C9: variants seen among roughly 807,000 people sequenced by gnomAD.
C9 encodes complement component C9.
A neutral mutation model predicts 65.4 loss-of-function variants in C9; 63 were observed. The observed-to-expected ratio is 0.96, with a 90% CI of 0.79 to 1.19. C9 has a LOEUF of 1.19. C9 is among the 50% of genes most tolerant of loss of function. The pLI is 0.00. For synonymous variants in C9, 229 were observed against 227.9 expected, an observed-to-expected ratio of 1.00 and a Z score of -0.04; for missense variants, 744 against 670.1, an observed-to-expected ratio of 1.11 and a Z score of -1.22.
intron 6 of C9, among the ~76,000 whole-genome samples, chr5:39,313,478 G>A (rs75437991): frequency 0.015 from 2,329 of 152,098 alleles, 59 homozygotes; most frequent in East Asian, 0.069. Context: ...TTGTCTTCTA[G>A]GCCAGTGCTT....
intron 1 of C9, among the ~76,000 whole-genome samples, chr5:39,345,413 A>G (rs971285841): frequency 3.9e-5 from 6 of 152,222 alleles, no homozygotes; most frequent in African/African-American, 9.7e-5. Context: ...AAAAAGATCA[A>G]AAGAGACAAA....
chr5:39,350,311 A>G (rs946793474), intron 1 of C9, among the ~76,000 whole-genome samples: 1 of 152,192 alleles, frequency 6.6e-6, no homozygotes, highest in Non-Finnish European at 1.5e-5. Flanking sequence ...GGGGATTACA[A>G]TTCAACGTGG....
At chr5:39,355,832 T>G in intron 1 of C9, among the ~76,000 whole-genome samples, 1 of 152,242 alleles carries the variant, frequency 6.6e-6, no homozygotes, top group Non-Finnish European at 1.5e-5. Context: ...ATCTTCTCCC[T>G]GTGTCTTCAC....
Position 39,341,601 on chromosome 5 carries a change from C to A in C9, c.283G>T (p.Glu95Ter). The A allele has an allele frequency of 6.2e-7, 1 of 1,613,968 alleles. No homozygotes were observed. The highest frequency in any genetic ancestry group is 2.2e-5 in the East Asian group (1 of 44,894). ...TTTCCGCAGTCATCCTCAGCATCCT[C>A]ACAGGGCTCTGTGGGCACACACTGT... ...RRQCVPTEPC[E>*]DAEDDCGNDF... The change falls in exon 3 of 11, where the codon GAG (glutamate) becomes TAG (stop). Residue 95 changes from glutamate (E) to a stop codon, truncating the protein, a stop_gained. Transcript: ENST00000263408. LOFTEE classifies it high-confidence loss of function.
In C9 at chr5:39,341,270, G is replaced by A. The variant is rs147701327; in HGVS notation, c.352C>T (p.Arg118Trp). 318 of 1,613,986 alleles carry A rather than the reference G, an allele frequency of 2.0e-4. No individual in the cohort carries two copies. Among genetic ancestry groups the A allele is most frequent in the Non-Finnish European group, 2.6e-4 (301 of 1,180,014 alleles). Residue 118 changes from arginine (R) to tryptophan (W), a missense_variant, in exon 4 of 11, where the codon CGG (arginine) becomes TGG (tryptophan). By Grantham distance (101) the Arg-to-Trp change is moderately radical. Transcript: ENST00000263408. Reference sequence around the variant, plus strand: ...CCGCAGTCATTGTCACCATTACACCGAAGTCGCATCTTTATGCATCTGCCT... The same window carrying A: ...CCGCAGTCATTGTCACCATTACACCAAAGTCGCATCTTTATGCATCTGCCT... ...STGRCIKMRL[R>W]CNGDNDCGDF... is the part of the protein sequence containing the mutation.
chr5:39,299,119 A>G lies in C9; in HGVS notation c.1416+7498T>C, dbSNP rs1753238181. ...TGCAATATTATATTAGATGCATTAG[A>G]CAATGCAATAATGCAAGAAAAAGAA... On this transcript the variant is annotated intron_variant, in intron 9 of 10. Transcript: ENST00000263408. Among the ~76,000 whole-genome samples the G allele has an allele frequency of 3.9e-5, 6 of 152,126 alleles. No individual in the cohort carries two copies. In the South Asian group the frequency reaches 1.0e-3, roughly 26 times the overall value.
chr5:39,297,041 C>T (rs1753197113), intron 9 of C9, among the ~76,000 whole-genome samples: 2 of 151,370 alleles, frequency 1.3e-5, no homozygotes, highest in South Asian at 2.1e-4. Context: ...TTAAAAGATA[C>T]AACATTACAA....
rs376805303 is a variant in C9 at position 39,331,664 on chromosome 5, G to A, written c.615+12C>T. On this transcript the variant is annotated intron_variant, in intron 5 of 10. Coordinates refer to ENST00000263408, the MANE Select transcript of C9 (RefSeq NM_001737.5). ...AAAGTTGAACAATGTGTTTTCCTCC[G>A]AGGAGACTTACTTCATAGATCAAAG... 171 of 1,613,002 alleles carry A rather than the reference G, an allele frequency of 1.1e-4. No homozygotes were observed. Among genetic ancestry groups the A allele is most frequent in the East Asian group, 1.0e-3 (46 of 44,864 alleles).
At chr5:39,349,215 T>C (rs1263087084) in intron 1 of C9, among the ~76,000 whole-genome samples, 3 of 151,154 alleles carry the variant, frequency 2.0e-5, no homozygotes, top group African/African-American at 7.3e-5. Flanking sequence ...GACTAGGTGA[T>C]GCCAATCTCT....
In C9 at chr5:39,308,356, C is replaced by T; in HGVS notation, c.1114G>A (p.Val372Ile). 1.3e-6 allele frequency: 2 copies of T among 1,584,734 alleles called. No individual in the cohort carries two copies. The highest frequency in any genetic ancestry group is 1.7e-6 in the Non-Finnish European group (2 of 1,153,386). Residue 372 changes from valine to isoleucine, a missense_variant and splice_region_variant, in exon 8 of 11, where the codon GTT becomes ATT. Coordinates refer to ENST00000263408, the MANE Select transcript of C9 (RefSeq NM_001737.5). ...CATCTCTTTATGTCTTTTAGTTCAACACCTGTTTAATGAATTTATTTGAAA... is the reference window on the plus strand; with the variant it reads ...CATCTCTTTATGTCTTTTAGTTCAATACCTGTTTAATGAATTTATTTGAAA... ...LDKASMKRKGVELKDIKRCLG... is the reference protein window; with the variant it reads ...LDKASMKRKGIELKDIKRCLG...
At chr5:39,331,960 G>A in intron 4 of C9, 146 bp from the exon 5 acceptor site, 1 of 782,994 alleles carries the variant, frequency 1.3e-6, no homozygotes, top group East Asian at 2.5e-5. Flanking sequence ...AGAAGCAAGA[G>A]CCTGTTCACC....
At chr5:39,351,966 A>T (rs1419227865) in intron 1 of C9, among the ~76,000 whole-genome samples, 1 of 152,192 alleles carries the variant, frequency 6.6e-6, no homozygotes, top group African/African-American at 2.4e-5. Context: ...GCTATAAAGA[A>T]CTACCTGAGA....
chr5:39,339,591 C>T (rs1212517375), intron 4 of C9, among the ~76,000 whole-genome samples: 1 of 151,904 alleles, frequency 6.6e-6, no homozygotes, highest in African/African-American at 2.4e-5. Flanking sequence ...TAGCACTCCC[C>T]ATTCTCACCC....
intron 5 of C9, among the ~76,000 whole-genome samples, chr5:39,330,423 T>C (rs1753819455): frequency 6.6e-6 from 1 of 152,132 alleles, no homozygotes; most frequent in South Asian, 2.1e-4. Flanking sequence ...TCGTACAAGT[T>C]ATTACCCCTC....
Position 39,288,962 on chromosome 5 carries a change from GC to G in C9, c.1417-12del. The G allele has an allele frequency of 6.9e-7, 1 of 1,449,016 alleles. No homozygotes were observed. The highest frequency in any genetic ancestry group is 1.4e-5 in the African/African-American group (1 of 71,656). The allele number at this position is 1,449,016 out of a possible 1,614,324, so 89.8% of individuals were successfully genotyped here. A position where few individuals can be genotyped will look rare whatever the true frequency, so the allele number is the denominator to read the frequency against. On this transcript the variant is annotated splice_polypyrimidine_tract_variant and intron_variant, in intron 9 of 10. Transcript: ENST00000263408. ...ATATATAGGAGACAGCTGAAAGGAA[GC>G]AAAACATTTAATTTTAGGTCCTTTT...
intron 1 of C9, among the ~76,000 whole-genome samples, chr5:39,349,330 T>C (rs1170353281): frequency 6.6e-6 from 1 of 152,164 alleles, no homozygotes; most frequent in African/African-American, 2.4e-5. Context: ...ATTTGTAATA[T>C]AAAGTGTTCA....
At chr5:39,351,485 G>C (rs1048637010) in intron 1 of C9, among the ~76,000 whole-genome samples, 3 of 152,118 alleles carry the variant, frequency 2.0e-5, no homozygotes, top group Non-Finnish European at 4.4e-5. Flanking sequence ...TTAAATATAA[G>C]TTCTCTTTGC....
intron 6 of C9, among the ~76,000 whole-genome samples, chr5:39,312,408 T>C (rs1753500214): frequency 6.6e-6 from 1 of 152,198 alleles, no homozygotes; most frequent in Non-Finnish European, 1.5e-5. Context: ...TTTAAAGATA[T>C]CAAGTTATTT....
At position 39,311,292 on chromosome 5, in the gene C9, A is replaced by G. The variant is rs778104923; in HGVS notation, c.956T>C (p.Phe319Ser). ...TGGCAAAGCTTTTATATCATCCACA[A>G]AAGTTGTTGTGAGCACAACATCGCG... ...RNRDVVLTTTFVDDIKALPTT... is the reference protein window; with the variant it reads ...RNRDVVLTTTSVDDIKALPTT... Residue 319 changes from phenylalanine to serine, a missense_variant, in exon 7 of 11, where the codon TTT becomes TCT. Coordinates refer to ENST00000263408, the MANE Select transcript of C9 (RefSeq NM_001737.5). 5 of 1,613,696 alleles carry G rather than the reference A, an allele frequency of 3.1e-6. No homozygotes were observed. The highest frequency in any genetic ancestry group is 8.5e-7 in the Non-Finnish European group (1 of 1,179,792).
Sources: gnomAD v4.1 joint callset for allele counts (sites outside exome capture counted in the v4.1 genomes callset) on GRCh38, gnomAD v4.1.1 for gene constraint, MANE v1.5 for transcripts, NCBI Gene and HGNC (gene_info 2026-07-23, HGNC 2026-07-21) for gene names.